ZNF804B: variants seen among roughly 807,000 people sequenced by gnomAD.
The protein encoded by ZNF804B is zinc finger protein 804B, also known as zinc finger 804B.
ZNF804B carries 80 observed loss-of-function variants against 101.4 expected under a neutral mutation model. The observed-to-expected ratio is 0.79, with a 90% CI of 0.66 to 0.95. ZNF804B has a LOEUF of 0.95. ZNF804B is among the 40% of genes least tolerant of loss of function. ZNF804B has a pLI of 0.00. For missense variants in ZNF804B, 1,673 were observed against 1,561.9 expected (o/e 1.07, Z -1.20); for synonymous variants, 622 against 558.8 (o/e 1.11, Z -1.59).
In ZNF804B at chr7:89,334,377, A is replaced by G. The variant is rs1054821923; in HGVS notation, c.1395A>G (p.Thr465=). The G allele has an allele frequency of 1.2e-6, 2 of 1,613,710 alleles. No homozygotes were observed. Among genetic ancestry groups the G allele is most frequent in the African/African-American group, 1.3e-5 (1 of 74,898 alleles). ...GGCCTACGGAACTTCTGCTCTTTAC[A>G]AAAACAGAACCCTGTATCTCTTATG... ...LQWPTELLLF[T]KTEPCISYGC... The change falls in exon 4 of 4, where the codon ACA becomes ACG. Residue 465 remains threonine (T), a synonymous_variant. Coordinates refer to ENST00000333190, the MANE Select transcript of ZNF804B (RefSeq NM_181646.5).
rs185151468 is a variant in ZNF804B at position 89,185,045 on chromosome 7, T to C, written c.109-33110T>C. Among the ~76,000 whole-genome samples the C allele has an allele frequency of 4.6e-5, 7 of 152,266 alleles. No individual in the cohort carries two copies. The East Asian group carries it at 1.4e-3, about 29-fold the overall frequency. On this transcript the variant is annotated intron_variant, in intron 1 of 3. Coordinates refer to ENST00000333190, the MANE Select transcript of ZNF804B (RefSeq NM_181646.5). ...AAGTATCCATTATTGAATTATGGAC[T>C]CTAAGGGATACAAAATAAGTAGCAG... is the stretch of plus-strand genomic sequence containing the variant.
chr7:89,214,617 A>T (rs1788859152), intron 1 of ZNF804B, among the ~76,000 whole-genome samples: 1 of 152,198 alleles, frequency 6.6e-6, no homozygotes, highest in Admixed American at 6.5e-5. Context: ...AATAATGTGT[A>T]TATAATGCTA....
intron 2 of ZNF804B, among the ~76,000 whole-genome samples, chr7:89,320,903 A>T (rs544399814): frequency 6.6e-6 from 1 of 152,274 alleles, no homozygotes; most frequent in Admixed American, 6.5e-5. Flanking sequence ...ATATCCAAAA[A>T]ATATGTTTCC....
At chr7:88,912,391 G>A (rs923750041) in intron 1 of ZNF804B, among the ~76,000 whole-genome samples, 14 of 151,792 alleles carry the variant, frequency 9.2e-5, no homozygotes, top group African/African-American at 3.4e-4. Flanking sequence ...TAAATTCTTA[G>A]GTTTCTTAAC....
At chr7:89,156,045 TTTCTTTC>T (rs1343331528) in intron 1 of ZNF804B, among the ~76,000 whole-genome samples, 3 of 89,770 alleles carry the variant, frequency 3.3e-5, no homozygotes, top group Non-Finnish European at 5.2e-5. Flanking sequence ...TCTTTCTTTC[TTTCTTTC>T]TTTCTTTCTT....
chr7:88,945,124 T>C (rs1046365208), intron 1 of ZNF804B, among the ~76,000 whole-genome samples: 1 of 152,120 alleles, frequency 6.6e-6, no homozygotes, highest in South Asian at 2.1e-4. Context: ...TTGACTTCTG[T>C]TGCCATTGCT....
At chr7:89,087,510 A>T (rs1341842659) in intron 1 of ZNF804B, among the ~76,000 whole-genome samples, 2 of 152,020 alleles carry the variant, frequency 1.3e-5, no homozygotes, top group Admixed American at 6.6e-5. Flanking sequence ...AGTAAATATT[A>T]CAGTTATTTA....
At chr7:89,038,449 A>T (rs1034819747) in intron 1 of ZNF804B, among the ~76,000 whole-genome samples, 5 of 152,086 alleles carry the variant, frequency 3.3e-5, no homozygotes, top group African/African-American at 9.7e-5. Context: ...TCTATTGGCC[A>T]TCTGTATGTA....
At position 89,336,625 on chromosome 7, in the gene ZNF804B, C is replaced by T. The variant is rs886244115; in HGVS notation, c.3643C>T (p.Gln1215Ter). 1.2e-6 allele frequency: 2 copies of T among 1,613,996 alleles called. No individual in the cohort carries two copies. Among genetic ancestry groups the T allele is most frequent in the Admixed American group, 1.7e-5 (1 of 59,998 alleles). The part of the protein sequence containing the change: ...SITTIHHTFL[Q>*]HFAVSASLSS... ...CACCACCATCCACCACACGTTCCTG[C>T]AGCATTTTGCTGTTTCTGCTTCCTT... Residue 1215 changes from glutamine (Q) to a stop codon, truncating the protein, a stop_gained, in exon 4 of 4, where the codon CAG (glutamine) becomes TAG (stop). Coordinates refer to ENST00000333190, the MANE Select transcript of ZNF804B (RefSeq NM_181646.5). LOFTEE classifies it high-confidence loss of function.
At position 89,199,629 on chromosome 7, in the gene ZNF804B, C is replaced by A. The variant is rs565139395; in HGVS notation, c.109-18526C>A. Among the ~76,000 whole-genome samples, 10 of 151,880 alleles carry A rather than the reference C, an allele frequency of 6.6e-5. No individual in the cohort carries two copies. In the South Asian group the frequency reaches 2.1e-3, roughly 32 times the overall value. On this transcript the variant is annotated intron_variant, in intron 1 of 3. Transcript: ENST00000333190. ...GCCCCACACCCATGAGAAACCGAAG[C>A]TCTGATTTAAACTCAGGCTGACTCC...
rs1791038970 is a variant in ZNF804B, at chr7:89,334,395, C to A, written c.1413C>A (p.Ile471=). 6.2e-7 allele frequency: 1 copy of A among 1,613,668 alleles called. No homozygotes were observed. The highest frequency in any genetic ancestry group is 8.5e-7 in the Non-Finnish European group (1 of 1,179,852). ...LLLFTKTEPC[I]SYGCNPLYFD... The stretch of plus-strand genomic sequence containing the variant: ...TCTTTACAAAAACAGAACCCTGTAT[C>A]TCTTATGGCTGCAACCCACTGTATT... Residue 471 remains isoleucine, a synonymous_variant, in exon 4 of 4, where the codon ATC becomes ATA. Transcript: ENST00000333190.
At chr7:88,926,192 G>C (rs374697883) in intron 1 of ZNF804B, among the ~76,000 whole-genome samples, 1 of 152,120 alleles carries the variant, frequency 6.6e-6, no homozygotes, top group South Asian at 2.1e-4. Context: ...TTTAATGCAG[G>C]CACATCTTAC....
intron 2 of ZNF804B, among the ~76,000 whole-genome samples, chr7:89,224,025 C>A (rs892175421): frequency 1.3e-5 from 2 of 151,918 alleles, no homozygotes; most frequent in African/African-American, 4.8e-5. Context: ...AAGTCATAAT[C>A]CCTTTCTCAA....
At chr7:89,125,974 A>G (rs1279376075) in intron 1 of ZNF804B, among the ~76,000 whole-genome samples, 1 of 152,078 alleles carries the variant, frequency 6.6e-6, no homozygotes, top group African/African-American at 2.4e-5. Flanking sequence ...GCCTGTGTCA[A>G]GGTTCCCCCT....
At chr7:89,215,918 A>G (rs1443980048) in intron 1 of ZNF804B, among the ~76,000 whole-genome samples, 3 of 150,852 alleles carry the variant, frequency 2.0e-5, no homozygotes, top group East Asian at 3.9e-4. Context: ...TAAATAAATA[A>G]ATAAATAAAT....
At chr7:89,084,324 A>G (rs955126227) in intron 1 of ZNF804B, among the ~76,000 whole-genome samples, 23 of 152,012 alleles carry the variant, frequency 1.5e-4, no homozygotes, top group African/African-American at 5.5e-4. Context: ...GAAAGCTCAA[A>G]TCCTAGGAGG....
intron 1 of ZNF804B, among the ~76,000 whole-genome samples, chr7:88,921,230 G>A (rs1028343565): frequency 6.6e-6 from 1 of 152,058 alleles, no homozygotes; most frequent in Non-Finnish European, 1.5e-5. Flanking sequence ...TGCAAAGTTG[G>A]TGGAAGGAGA....
At chr7:89,249,065 A>G (rs1789497482) in intron 2 of ZNF804B, among the ~76,000 whole-genome samples, 1 of 151,886 alleles carries the variant, frequency 6.6e-6, no homozygotes, top group Non-Finnish European at 1.5e-5. Flanking sequence ...AGGGCATTAC[A>G]TAATAAAGTG....
intron 1 of ZNF804B, among the ~76,000 whole-genome samples, chr7:89,105,780 C>T (rs1370000407): frequency 1.3e-5 from 2 of 152,150 alleles, no homozygotes; most frequent in Non-Finnish European, 2.9e-5. Flanking sequence ...CTCTGACATT[C>T]CCAGATACCA....
Sources: gnomAD v4.1 joint callset for allele counts (sites outside exome capture counted in the v4.1 genomes callset) on GRCh38, gnomAD v4.1.1 for gene constraint, MANE v1.5 for transcripts, NCBI Gene and HGNC (gene_info 2026-07-23, HGNC 2026-07-21) for gene names.